ADAM12: variants seen among roughly 807,000 people sequenced by gnomAD.
The protein encoded by ADAM12 is ADAM metallopeptidase domain 12.
A neutral mutation model predicts 106.4 loss-of-function variants in ADAM12; 70 were observed. The ratio of observed to expected loss-of-function variants is 0.66; its 90% confidence interval spans 0.54 to 0.80. ADAM12 has a LOEUF of 0.80. Among genes scored for constraint, ADAM12 ranks in the 30% least tolerant of loss-of-function variants. The pLI, the probability that ADAM12 is intolerant of heterozygous loss-of-function variation, is 0.00. For synonymous variants in ADAM12, 420 were observed against 433.5 expected, an observed-to-expected ratio of 0.97 and a Z score of 0.39; for missense variants, 1,010 against 1,171.9, an observed-to-expected ratio of 0.86 and a Z score of 2.02.
chr10:126,297,761 G>C (rs1406325410), intron 2 of ADAM12, among the ~76,000 whole-genome samples: 2 of 152,116 alleles, frequency 1.3e-5, no homozygotes, highest in South Asian at 2.1e-4. Flanking sequence ...AAGTAATAAA[G>C]TATTATGGGA....
At chr10:126,287,523 T>G (rs1244002916) in intron 2 of ADAM12, among the ~76,000 whole-genome samples, 1 of 152,128 alleles carries the variant, frequency 6.6e-6, no homozygotes, top group South Asian at 2.1e-4. Context: ...TGCCCTTTCT[T>G]AAGACCCTTC....
At chr10:126,235,007 C>G (rs1418607409) in intron 3 of ADAM12, among the ~76,000 whole-genome samples, 3 of 152,154 alleles carry the variant, frequency 2.0e-5, no homozygotes, top group Non-Finnish European at 4.4e-5. Flanking sequence ...AGACAGGCCT[C>G]CTGGGACTAG....
intron 3 of ADAM12, among the ~76,000 whole-genome samples, chr10:126,239,671 C>T (rs549418006): frequency 9.2e-5 from 14 of 152,250 alleles, no homozygotes; most frequent in South Asian, 4.1e-4. Flanking sequence ...CCTTTATTGT[C>T]GGATCTAAGG....
At chr10:126,045,409 T>C (rs1954290817) in intron 17 of ADAM12, among the ~76,000 whole-genome samples, 1 of 152,192 alleles carries the variant, frequency 6.6e-6, no homozygotes, top group Non-Finnish European at 1.5e-5. Flanking sequence ...CATTGGCAAG[T>C]GTCTACAAGT....
intron 3 of ADAM12, among the ~76,000 whole-genome samples, chr10:126,184,225 A>G (rs1403167826): frequency 6.6e-6 from 1 of 152,222 alleles, no homozygotes; most frequent in Non-Finnish European, 1.5e-5. Flanking sequence ...GAAATACCAG[A>G]TAAAAGTGAA....
intron 2 of ADAM12, among the ~76,000 whole-genome samples, chr10:126,326,850 G>A (rs1352697869): frequency 6.6e-6 from 1 of 152,020 alleles, no homozygotes; most frequent in Non-Finnish European, 1.5e-5. Context: ...TGTCATTTAG[G>A]TCACCTTCAG....
At chr10:126,292,376 A>G (rs1005471911) in intron 2 of ADAM12, among the ~76,000 whole-genome samples, 4 of 151,646 alleles carry the variant, frequency 2.6e-5, no homozygotes, top group African/African-American at 9.7e-5. Flanking sequence ...TCTCTGGAGT[A>G]CCTCCACAGT....
At chr10:126,368,664 T>TGTG (rs1856002747) in intron 1 of ADAM12, among the ~76,000 whole-genome samples, 1 of 151,900 alleles carries the variant, frequency 6.6e-6, no homozygotes, top group Non-Finnish European at 1.5e-5. Flanking sequence ...TTGTTGTTTT[T>TGTG]TTTTGCCTTT....
At chr10:126,143,075 G>C (rs1956546941) in intron 4 of ADAM12, among the ~76,000 whole-genome samples, 1 of 150,478 alleles carries the variant, frequency 6.6e-6, no homozygotes, top group South Asian at 2.1e-4. Context: ...GCATATGTGT[G>C]CATGTGTGTA....
At chr10:126,220,828 G>C (rs945863027) in intron 3 of ADAM12, among the ~76,000 whole-genome samples, 2 of 152,242 alleles carry the variant, frequency 1.3e-5, no homozygotes, top group Non-Finnish European at 2.9e-5. Context: ...GGCAGCATCT[G>C]TGTCCCTCTT....
intron 3 of ADAM12, among the ~76,000 whole-genome samples, chr10:126,184,253 G>T (rs761810346): frequency 4.6e-5 from 7 of 152,132 alleles, no homozygotes; most frequent in Non-Finnish European, 1.0e-4. Context: ...GTGATATTTC[G>T]GTGCCGTTAC....
intron 2 of ADAM12, among the ~76,000 whole-genome samples, chr10:126,294,900 G>A (rs1011938514): frequency 1.4e-5 from 2 of 144,972 alleles, no homozygotes; most frequent in African/African-American, 5.1e-5. Flanking sequence ...GTGTGTAGAT[G>A]TGTGTGTGTG....
At chr10:126,280,604 T>C (rs754700635) in intron 2 of ADAM12, among the ~76,000 whole-genome samples, 1 of 152,264 alleles carries the variant, frequency 6.6e-6, no homozygotes, top group South Asian at 2.1e-4. Flanking sequence ...CACCTGAGAA[T>C]TAGATTATTT....
In ADAM12 at chr10:126,117,762, G is replaced by GGGC. The variant is rs750450471; in HGVS notation, c.603+275_603+276insGCC. The stretch of plus-strand genomic sequence containing the variant: ...TGAGCTTGTGGGGGTAGAAGTTGGG[G>GGGC]GGGCGTAATTTTGTCATCCTTTGAT... On this transcript the variant is annotated intron_variant, in intron 6 of 22. Transcript: ENST00000448723. 1.5e-5 allele frequency among the ~76,000 whole-genome samples: 2 copies of GGGC among 129,054 alleles called. 1 individual carries two copies. Among genetic ancestry groups the GGGC allele is most frequent in the Admixed American group, 1.6e-4 (2 of 12,562 alleles). 84.7% of individuals were successfully genotyped at this position (129,054 alleles called of 152,430 possible). A position where few individuals can be genotyped will look rare whatever the true frequency, so the allele number is the denominator to read the frequency against.
In ADAM12 at chr10:126,388,045, T is replaced by G. The variant is rs991807403; in HGVS notation, c.88+13A>C. ...CGGGGCGGGCAGCGAGCCGCCCTAG[T>G]TCGGCGACTTACCTCGGGCCTCGCA... is the stretch of plus-strand genomic sequence containing the variant. On this transcript the variant is annotated intron_variant, in intron 1 of 22. Transcript: ENST00000448723. The surrounding 1 kb of genome is among the most constrained non-coding windows in gnomAD (Gnocchi z 4.4). 1.6e-6 allele frequency: 2 copies of G among 1,213,280 alleles called. No homozygotes were observed. The highest frequency in any genetic ancestry group is 3.1e-5 in the African/African-American group (2 of 63,592). 75.2% of individuals were successfully genotyped at this position (1,213,280 alleles called of 1,614,324 possible).
chr10:126,325,546 T>C (rs1488147882), intron 2 of ADAM12, among the ~76,000 whole-genome samples: 2 of 152,256 alleles, frequency 1.3e-5, no homozygotes, highest in Non-Finnish European at 2.9e-5. Context: ...TGCCATATGC[T>C]AAGGGAAGCT....
Position 126,042,979 on chromosome 10 carries a change from C to T in ADAM12, c.2104+61G>A, listed in dbSNP as rs189322702. 5.3e-5 allele frequency: 80 copies of T among 1,517,626 alleles called. 1 individual carries two copies. In the Middle Eastern group the frequency reaches 7.9e-4, roughly 15 times the overall value. 94.0% of individuals were successfully genotyped at this position (1,517,626 alleles called of 1,614,324 possible). ...TACCTGCACCCATGCTGACAGCTGG[C>T]GAGCCCACCCGCCCCCAGGTGCTCA... On this transcript the variant is annotated intron_variant, in intron 18 of 22. Transcript: ENST00000448723.
intron 4 of ADAM12, among the ~76,000 whole-genome samples, chr10:126,136,993 A>AT (rs897530695): frequency 3.2e-4 from 48 of 152,130 alleles, no homozygotes; most frequent in African/African-American, 9.9e-4. Context: ...CTCTTCATGC[A>AT]TTTTTTGCAT....
Position 126,066,235 on chromosome 10 carries a change from G to T in ADAM12, c.1413+482C>A, listed in dbSNP as rs1291438224. The stretch of plus-strand genomic sequence containing the variant: ...GTATAAAACTGCCATTCTTGGCTGG[G>T]CGGGGTTGGTGGCAACTTCTTTTGG... On this transcript the variant is annotated intron_variant, in intron 13 of 22. Coordinates refer to ENST00000448723, the MANE Select transcript of ADAM12 (RefSeq NM_001288973.2). The surrounding 1 kb of genome is among the most constrained non-coding windows in gnomAD (Gnocchi z 5.1). 1.3e-5 allele frequency among the ~76,000 whole-genome samples: 2 copies of T among 152,224 alleles called. No homozygotes were observed. The highest frequency in any genetic ancestry group is 2.4e-5 in the African/African-American group (1 of 41,452).
Sources: gnomAD v4.1 joint callset for allele counts (sites outside exome capture counted in the v4.1 genomes callset) on GRCh38, gnomAD v4.1.1 for gene constraint, Gnocchi (gnomAD v3.1) non-coding constraint, MANE v1.5 for transcripts, NCBI Gene and HGNC (gene_info 2026-07-23, HGNC 2026-07-21) for gene names.